Variants in ATP2A1 observed in about 807,000 individuals in gnomAD.
ATP2A1 encodes ATPase sarcoplasmic/endoplasmic reticulum Ca2+ transporting 1.
A neutral mutation model predicts 109.5 loss-of-function variants in ATP2A1; 83 were observed. The observed-to-expected ratio is 0.76, with a 90% CI of 0.63 to 0.91. The LOEUF is 0.91. Ranked by LOEUF, ATP2A1 falls within the 40% of genes least tolerant of loss-of-function variation. The pLI, the probability that ATP2A1 is intolerant of heterozygous loss-of-function variation, is 0.00. For missense variants in ATP2A1, 1,101 were observed against 1,341.0 expected, an observed-to-expected ratio of 0.82 and a Z score of 2.80; for synonymous variants, 505 against 537.6, an observed-to-expected ratio of 0.94 and a Z score of 0.84.
At chr16:28,882,612 C>T in intron 5 of ATP2A1, 23 bp downstream of exon 5, 1 of 1,613,300 alleles carries the variant, frequency 6.2e-7, no homozygotes, top group East Asian at 2.2e-5. Flanking sequence ...GACGGCTGGT[C>T]CAGGATGGGA....
At chr16:28,892,669 T>C (rs913207718) in intron 9 of ATP2A1, 1 of 153,526 alleles carries the variant, frequency 6.5e-6, no homozygotes, top group Non-Finnish European at 1.5e-5. Flanking sequence ...GGTAGGCCAC[T>C]CCTCCTGGGC....
chr16:28,893,426 A>C (rs190999084), intron 9 of ATP2A1, among the ~76,000 whole-genome samples: 1 of 120,872 alleles, frequency 8.3e-6, no homozygotes, highest in African/African-American at 3.2e-5. Flanking sequence ...AAGAAAAAGA[A>C]AAAGTCAAGA....
Position 28,887,199 on chromosome 16 carries a change from A to G in ATP2A1, c.555A>G (p.Val185=). The G allele has an allele frequency of 1.2e-6, 2 of 1,613,896 alleles. No individual in the cohort carries two copies. The highest frequency in any genetic ancestry group is 1.7e-6 in the Non-Finnish European group (2 of 1,179,994). The change falls in exon 7 of 23, where the codon GTA becomes GTG. Residue 185 remains valine (V), a synonymous_variant. Coordinates refer to ENST00000395503, the MANE Select transcript of ATP2A1 (RefSeq NM_004320.6). ...VDQSILTGES[V]SVIKHTEPVP... is the part of the protein sequence containing the mutation. ...GCCCCTTCTCCACAGGCGAGTCTGT[A>G]TCTGTCATCAAACACACGGAGCCCG...
Position 28,878,591 on chromosome 16 carries a change from G to T in ATP2A1, c.-81G>T. ...AAGAAACCCAGGCAGACAGGCAGTT[G>T]GACACACTGAGGAAGACCCCCCACG... On this transcript the variant is annotated 5_prime_UTR_variant, in exon 1 of 23. Transcript: ENST00000395503. The T allele has an allele frequency of 1.7e-6, 2 of 1,164,974 alleles. No homozygotes were observed. The highest frequency in any genetic ancestry group is 2.5e-6 in the Non-Finnish European group (2 of 794,950). 72.2% of individuals were successfully genotyped at this position (1,164,974 alleles called of 1,614,324 possible).
chr16:28,901,861 A>G lies in ATP2A1; in HGVS notation c.2101-2A>G. ...TAAGCCCACCTTCTCCTCCTCCCTCAGACAGGTGATGGCGTCAATGACGCC... is the reference window on the plus strand; with the variant it reads ...TAAGCCCACCTTCTCCTCCTCCCTCGGACAGGTGATGGCGTCAATGACGCC... On this transcript the variant is annotated splice_acceptor_variant, in intron 15 of 22. Transcript: ENST00000395503. LOFTEE classifies it high-confidence loss of function. 2 of 1,613,518 alleles carry G rather than the reference A, an allele frequency of 1.2e-6. No individual in the cohort carries two copies. Among genetic ancestry groups the G allele is most frequent in the Non-Finnish European group, 8.5e-7 (1 of 1,179,706 alleles).
rs939465160 is a variant in ATP2A1, at chr16:28,903,559, G to C, written c.2980+119G>C. The C allele has an allele frequency of 2.4e-6, 3 of 1,230,286 alleles. No individual in the cohort carries two copies. Among genetic ancestry groups the C allele is most frequent in the Non-Finnish European group, 3.6e-6 (3 of 838,126 alleles). The allele number at this position is 1,230,286 out of a possible 1,614,324, so 76.2% of individuals were successfully genotyped here. A position where few individuals can be genotyped will look rare whatever the true frequency, so the allele number is the denominator to read the frequency against. ...AAGTTTCTCAGCCCTGGCAGGACCT[G>C]TGTCCGCCCCGTTCCCCCTGCGCCT... On this transcript the variant is annotated intron_variant, in intron 21 of 22. Coordinates refer to ENST00000395503, the MANE Select transcript of ATP2A1 (RefSeq NM_004320.6). This position sits in a 1 kb window ranked among gnomAD's most constrained non-coding sequence, Gnocchi z 5.6.
At position 28,887,172 on chromosome 16, in the gene ATP2A1, T is replaced by C. The variant is rs758923662; in HGVS notation, c.545-17T>C. ...GACATGATGTCATCCGAAAACCCCT[T>C]GGCCCCTTCTCCACAGGCGAGTCTG... On this transcript the variant is annotated splice_polypyrimidine_tract_variant and intron_variant, in intron 6 of 22. Coordinates refer to ENST00000395503, the MANE Select transcript of ATP2A1 (RefSeq NM_004320.6). 1.9e-6 allele frequency: 3 copies of C among 1,613,130 alleles called. No homozygotes were observed. The highest frequency in any genetic ancestry group is 2.5e-6 in the Non-Finnish European group (3 of 1,179,520).
Position 28,903,781 on chromosome 16 carries a change from C to T in ATP2A1, c.*37+40C>T, listed in dbSNP as rs981319755. The stretch of plus-strand genomic sequence containing the variant: ...TTGCCCTCAGCCCAGCTGCTGTGCC[C>T]CTGCCACCCGCGCCCCCTCAGCCCC... On this transcript the variant is annotated intron_variant, in intron 22 of 22. Coordinates refer to ENST00000395503, the MANE Select transcript of ATP2A1 (RefSeq NM_004320.6). This position sits in a 1 kb window ranked among gnomAD's most constrained non-coding sequence, Gnocchi z 5.6. 11 of 1,587,464 alleles carry T rather than the reference C, an allele frequency of 6.9e-6. No individual in the cohort carries two copies. The African/African-American group carries it at 8.1e-5, about 12-fold the overall frequency.
rs112150733 is a variant in ATP2A1 at position 28,886,894 on chromosome 16, A to G, written c.545-295A>G. 9.3e-3 allele frequency among the ~76,000 whole-genome samples: 1,388 copies of G among 149,100 alleles called. 23 individuals carry two copies. The highest frequency in any genetic ancestry group is 0.033 in the African/African-American group (1,334 of 40,640). On this transcript the variant is annotated intron_variant, in intron 6 of 22. Transcript: ENST00000395503. ...GTGCCTGTAATCCCAGCTACTTGGG[A>G]GGCTGAGGCAGGAGTATTGCCTGAA...
chr16:28,904,130 C>A (rs1309786296), intron 22 of ATP2A1, 50 bp from the exon 23 acceptor site: 3 of 1,526,322 alleles, frequency 2.0e-6, no homozygotes, highest in Admixed American at 3.3e-5. Context: ...CTGGGAGGGA[C>A]CTCGCTGCCC....
At position 28,903,121 on chromosome 16, in the gene ATP2A1, C is replaced by G. The variant is rs762199691; in HGVS notation, c.2836C>G (p.Leu946Val). ...CTGCCTCTCCATGTCCCTGCACTTC[C>G]TCATCCTCTATGTTGACCCCCTGCC... ...SICLSMSLHF[L>V]ILYVDPLPMI... Residue 946 changes from leucine (L) to valine (V), a missense_variant, in exon 20 of 23, where the codon CTC becomes GTC. Leu to Val is a conservative substitution (Grantham distance 32). Coordinates refer to ENST00000395503, the MANE Select transcript of ATP2A1 (RefSeq NM_004320.6). The surrounding 1 kb of genome is among the most constrained non-coding windows in gnomAD (Gnocchi z 5.6). 8.1e-6 allele frequency: 13 copies of G among 1,613,678 alleles called. No homozygotes were observed. The highest frequency in any genetic ancestry group is 1.1e-5 in the Non-Finnish European group (13 of 1,179,996).
In ATP2A1 at chr16:28,902,483, TC is replaced by T; in HGVS notation, c.2525-95del. ...CATGCAGGTGCTGAGAGGGTCTTCT[TC>T]CTTGGCCAGCCTGTCCATGGCCACA... On this transcript the variant is annotated intron_variant, in intron 17 of 22. Coordinates refer to ENST00000395503, the MANE Select transcript of ATP2A1 (RefSeq NM_004320.6). The surrounding 1 kb of genome is among the most constrained non-coding windows in gnomAD (Gnocchi z 4.8). 6.4e-7 allele frequency: 1 copy of T among 1,569,740 alleles called. No homozygotes were observed. The highest frequency in any genetic ancestry group is 8.7e-7 in the Non-Finnish European group (1 of 1,148,102).
At chr16:28,888,731 G>T (rs1397895665) in intron 8 of ATP2A1, 56 bp from the exon 9 acceptor site, 2 of 1,590,944 alleles carry the variant, frequency 1.3e-6, no homozygotes, top group East Asian at 2.2e-5. Context: ...CCCCTTGCAG[G>T]TTCCCTCACA....
At chr16:28,901,328 CAAAAAAA>C (rs768320423) in intron 15 of ATP2A1, among the ~76,000 whole-genome samples, 1 of 55,934 alleles carries the variant, frequency 1.8e-5, no homozygotes, top group East Asian at 5.2e-4. Flanking sequence ...GACCCTGTCT[CAAAAAAA>C]AAAAAAAAAA....
At chr16:28,881,113 A>C (rs1963460934) in intron 4 of ATP2A1, 94 bp downstream of exon 4, 1 of 1,254,798 alleles carries the variant, frequency 8.0e-7, no homozygotes, top group Non-Finnish European at 1.2e-6. Context: ...CACCTCCCCC[A>C]TACTTGCCTC....
At chr16:28,895,087 A>G (rs1462554644) in intron 12 of ATP2A1, 134 bp downstream of exon 12, 17 of 1,332,102 alleles carry the variant, frequency 1.3e-5, no homozygotes, top group South Asian at 9.8e-5. Context: ...CAGCCCCTGC[A>G]GCTTCTCCAC....
intron 5 of ATP2A1, 56 bp downstream of exon 5, chr16:28,882,645 A>C: frequency 1.2e-6 from 2 of 1,605,092 alleles, no homozygotes; most frequent in Non-Finnish European, 1.7e-6. Context: ...GAGGCCTAGG[A>C]GATGCCGGGG....
chr16:28,888,711 T>C, intron 8 of ATP2A1, 76 bp from the exon 9 acceptor site: 1 of 1,538,984 alleles, frequency 6.5e-7, no homozygotes, highest in Non-Finnish European at 8.9e-7. Context: ...AGCTGGGGGC[T>C]ACTATTTAGC....
chr16:28,879,885 G>C, intron 3 of ATP2A1: 1 of 642,760 alleles, frequency 1.6e-6, no homozygotes, highest in South Asian at 4.0e-5. Context: ...CGGGCTCCGG[G>C]TCCCGCCGCG....
Sources: allele counts gnomAD v4.1 joint callset (sites outside exome capture counted in the v4.1 genomes callset), GRCh38; gene constraint gnomAD v4.1.1; non-coding constraint Gnocchi (gnomAD v3.1); transcripts MANE v1.5; gene names NCBI Gene and HGNC (gene_info 2026-07-23, HGNC 2026-07-21).